The following TPP2 variants were observed in gnomAD, a reference collection of about 807,000 sequenced individuals.
TPP2 encodes tripeptidyl peptidase 2.
TPP2 carries 34 observed loss-of-function variants against 155.9 expected under a neutral mutation model. The observed-to-expected ratio is 0.22, with a 90% confidence interval of 0.17 to 0.29. TPP2 has a LOEUF of 0.29. Among genes scored for constraint, TPP2 ranks in the 10% least tolerant of loss-of-function variants. TPP2 has a pLI of 1.00. For missense variants in TPP2, 1,028 were observed against 1,522.3 expected (o/e 0.68, Z 5.40); for synonymous variants, 510 against 529.4 (o/e 0.96, Z 0.50).
intron 6 of TPP2, among the ~76,000 whole-genome samples, chr13:102,623,855 G>A (rs1030518548): frequency 6.6e-6 from 1 of 152,166 alleles, no homozygotes; most frequent in Non-Finnish European, 1.5e-5. Context: ...ATGACATAGT[G>A]TTTGTGTATA....
chr13:102,659,715 G>T (rs191779365), intron 25 of TPP2, among the ~76,000 whole-genome samples: 3 of 152,322 alleles, frequency 2.0e-5, no homozygotes, highest in African/African-American at 4.8e-5. Context: ...AAGTTATTCA[G>T]CCTGAAAGCA....
At chr13:102,606,581 C>T (rs1214064821) in intron 2 of TPP2, among the ~76,000 whole-genome samples, 1 of 152,218 alleles carries the variant, frequency 6.6e-6, no homozygotes, top group Non-Finnish European at 1.5e-5. Flanking sequence ...GTGATGACCC[C>T]AGTCTTTCTT....
chr13:102,597,552 C>T (rs1024928989), intron 1 of TPP2, among the ~76,000 whole-genome samples: 2 of 152,182 alleles, frequency 1.3e-5, no homozygotes, highest in Non-Finnish European at 2.9e-5. Context: ...CTCGCTTCGG[C>T]GCTGCCAGGC....
intron 1 of TPP2, among the ~76,000 whole-genome samples, chr13:102,604,446 T>C (rs1027168847): frequency 3.9e-5 from 6 of 152,236 alleles, no homozygotes; most frequent in Non-Finnish European, 8.8e-5. Flanking sequence ...TTCTTTATTT[T>C]ACTTTGTTAT....
intron 6 of TPP2, among the ~76,000 whole-genome samples, chr13:102,623,644 A>G (rs1003238312): frequency 6.6e-6 from 1 of 152,248 alleles, no homozygotes; most frequent in African/African-American, 2.4e-5. Flanking sequence ...TTCACCCATG[A>G]GTACAGAGAA....
chr13:102,618,274 T>C (rs1368984938), intron 4 of TPP2, among the ~76,000 whole-genome samples: 5 of 152,258 alleles, frequency 3.3e-5, no homozygotes, highest in Admixed American at 6.5e-5. Flanking sequence ...TCATGGGTTT[T>C]ATTATTTATT....
chr13:102,622,745 A>T, intron 5 of TPP2, 132 bp from the exon 6 acceptor site: 1 of 1,032,582 alleles, frequency 9.7e-7, no homozygotes, highest in Non-Finnish European at 1.4e-6. Flanking sequence ...AGGCTAAACC[A>T]GGCAGTCATT....
At chr13:102,622,313 T>C (rs1045930583) in intron 5 of TPP2, among the ~76,000 whole-genome samples, 1 of 152,232 alleles carries the variant, frequency 6.6e-6, no homozygotes, top group Non-Finnish European at 1.5e-5. Context: ...GGCTATCTTC[T>C]AAAGTGTTCG....
intron 1 of TPP2, among the ~76,000 whole-genome samples, chr13:102,598,546 A>G (rs1255633565): frequency 3.3e-5 from 5 of 152,314 alleles, no homozygotes; most frequent in African/African-American, 1.2e-4. Flanking sequence ...TTGTCGTTGT[A>G]TTAATAACTT....
intron 2 of TPP2, among the ~76,000 whole-genome samples, chr13:102,605,810 G>T (rs560810052): frequency 6.0e-5 from 9 of 149,686 alleles, no homozygotes; most frequent in Admixed American, 3.4e-4. Flanking sequence ...TGCAACCTCC[G>T]CCTCCCGGGT....
intron 27 of TPP2, among the ~76,000 whole-genome samples, chr13:102,673,613 G>A (rs1426483675): frequency 6.6e-6 from 1 of 152,228 alleles, no homozygotes; most frequent in East Asian, 1.9e-4. Flanking sequence ...TCAAGGCAAT[G>A]TGCCGTAGTG....
chr13:102,643,492 TA>T (rs1345167457), intron 17 of TPP2, 116 bp downstream of exon 17: 32 of 1,093,810 alleles, frequency 2.9e-5, no homozygotes, highest in Non-Finnish European at 3.4e-5. Flanking sequence ...TGGGATTATA[TA>T]TTTTTTTAAT....
chr13:102,618,950 A>G, intron 5 of TPP2, 104 bp downstream of exon 5: 4 of 1,377,116 alleles, frequency 2.9e-6, no homozygotes, highest in Non-Finnish European at 2.8e-6. Flanking sequence ...TTTATTCGTG[A>G]TATCACTCAG....
chr13:102,667,418 A>G (rs894947909), intron 27 of TPP2, among the ~76,000 whole-genome samples: 1 of 152,226 alleles, frequency 6.6e-6, no homozygotes, highest in Admixed American at 6.5e-5. Flanking sequence ...CATGAGCAAG[A>G]TAGTCTCTAC....
At chr13:102,641,287 A>G (rs1882751053) in intron 16 of TPP2, among the ~76,000 whole-genome samples, 1 of 152,186 alleles carries the variant, frequency 6.6e-6, no homozygotes, top group Non-Finnish European at 1.5e-5. Context: ...ACTCCCATTG[A>G]TAGAAGGAAG....
chr13:102,597,618 C>G (rs1566309825), intron 1 of TPP2, among the ~76,000 whole-genome samples: 1 of 152,362 alleles, frequency 6.6e-6, no homozygotes, highest in Admixed American at 6.5e-5. Flanking sequence ...CCCCTCGTGC[C>G]TCGGACACCG....
At chr13:102,619,854 T>A (rs1263371285) in intron 5 of TPP2, among the ~76,000 whole-genome samples, 2 of 152,212 alleles carry the variant, frequency 1.3e-5, no homozygotes, top group African/African-American at 4.8e-5. Context: ...TTCCAGAGGC[T>A]TTATACAGAA....
At chr13:102,616,911 GTTTTTTGT>G (rs1880776890) in intron 4 of TPP2, among the ~76,000 whole-genome samples, 2 of 148,858 alleles carry the variant, frequency 1.3e-5, no homozygotes, top group Admixed American at 1.3e-4. Context: ...TTTGTTTTTT[GTTTTTTGT>G]TTTTTTTTTT....
rs1317483504 is a variant in TPP2, at chr13:102,627,927, G to A, written c.1016+3G>A. 1 of 1,611,198 alleles carries A rather than the reference G, an allele frequency of 6.2e-7. No homozygotes were observed. The highest frequency in any genetic ancestry group is 1.7e-5 in the Admixed American group (1 of 59,722). On this transcript the variant is annotated splice_donor_region_variant and intron_variant, in intron 8 of 29. Transcript: ENST00000376052. ...GCAACTCACTGGCCAAATTCTGGGTGAGTGTTCCTTGACAGTTGTTTAGCC... is the reference window on the plus strand; with the variant it reads ...GCAACTCACTGGCCAAATTCTGGGTAAGTGTTCCTTGACAGTTGTTTAGCC...
Sources: gnomAD v4.1 joint callset for allele counts (sites outside exome capture counted in the v4.1 genomes callset) on GRCh38, gnomAD v4.1.1 for gene constraint, MANE v1.5 for transcripts, NCBI Gene and HGNC (gene_info 2026-07-23, HGNC 2026-07-21) for gene names.